DNAH11: variants seen among roughly 807,000 people sequenced by gnomAD.
The protein encoded by DNAH11 is axonemal beta dynein heavy chain 11.
In DNAH11, 442 loss-of-function variants were observed where a neutral mutation model predicts 526.0. The observed-to-expected ratio is 0.84, with a 90% CI of 0.78 to 0.91. The LOEUF (loss-of-function observed/expected upper bound fraction) is 0.91, where lower values mean the gene tolerates loss of function less well. Among genes scored for constraint, DNAH11 ranks in the 40% least tolerant of loss-of-function variants. The pLI is 0.00. For missense variants in DNAH11, 6,989 were observed against 5,448.7 expected, an observed-to-expected ratio of 1.28 and a Z score of -8.90; for synonymous variants, 2,461 against 1,935.9, an observed-to-expected ratio of 1.27 and a Z score of -7.12.
intron 41 of DNAH11, 118 bp downstream of exon 41, chr7:21,710,821 T>A (rs2128480964): frequency 9.7e-7 from 1 of 1,026,768 alleles, no homozygotes; most frequent in South Asian, 2.1e-5. Context: ...CTTTATGTAA[T>A]TATTATTTTG....
At chr7:21,696,629 AT>A (rs1317878882) in intron 35 of DNAH11, among the ~76,000 whole-genome samples, 2 of 152,068 alleles carry the variant, frequency 1.3e-5, no homozygotes, top group Admixed American at 1.3e-4. Flanking sequence ...TGTCTTGTGA[AT>A]TTTTTTAATA....
Position 21,707,718 on chromosome 7 carries a change from G to A in DNAH11, c.6566G>A (p.Arg2189Gln), listed in dbSNP as rs747789567. The A allele has an allele frequency of 5.6e-6, 9 of 1,612,934 alleles. No homozygotes were observed. Among genetic ancestry groups the A allele is most frequent in the Admixed American group, 1.7e-5 (1 of 59,874 alleles). The change falls in exon 40 of 82, where the codon CGA becomes CAA. Residue 2189 changes from arginine (R) to glutamine (Q), a missense_variant. Physicochemically the swap from Arg to Gln is conservative, Grantham distance 43. Transcript: ENST00000409508. ...GKSKILRTLN[R>Q]TYVNMKQKPV... ...CCTCAGATTTTGAGAACACTGAACC[G>A]AACATATGTTAACATGAAACAGAAG...
chr7:21,833,790 A>G (rs1781884148), intron 65 of DNAH11, among the ~76,000 whole-genome samples: 1 of 152,196 alleles, frequency 6.6e-6, no homozygotes, highest in South Asian at 2.1e-4. Context: ...AGAGATGCAA[A>G]TGAGTATAAA....
intron 25 of DNAH11, among the ~76,000 whole-genome samples, chr7:21,626,442 C>T (rs1273369962): frequency 6.6e-6 from 1 of 152,134 alleles, no homozygotes; most frequent in Non-Finnish European, 1.5e-5. Context: ...GTGTTTTCAA[C>T]ATACTGATTT....
chr7:21,824,767 A>G (rs1270707479), intron 65 of DNAH11, among the ~76,000 whole-genome samples: 1 of 152,234 alleles, frequency 6.6e-6, no homozygotes, highest in African/African-American at 2.4e-5. Flanking sequence ...TAAAAATACC[A>G]TTATGGTGTA....
At chr7:21,866,868 C>CA (rs926609733) in intron 71 of DNAH11, among the ~76,000 whole-genome samples, 4 of 152,140 alleles carry the variant, frequency 2.6e-5, no homozygotes, top group Non-Finnish European at 4.4e-5. Flanking sequence ...ACATTCTTCC[C>CA]AAAAAAGCTT....
intron 62 of DNAH11, among the ~76,000 whole-genome samples, chr7:21,801,977 T>A (rs1035684896): frequency 2.6e-5 from 4 of 152,238 alleles, no homozygotes; most frequent in Non-Finnish European, 4.4e-5. Flanking sequence ...CAGATTTTAT[T>A]TGCTCCACAA....
intron 9 of DNAH11, 48 bp from the exon 10 acceptor site, chr7:21,588,016 G>C (rs1035615121): frequency 1.3e-6 from 2 of 1,583,620 alleles, no homozygotes; most frequent in Non-Finnish European, 1.7e-6. Context: ...CTGAGTATTT[G>C]TTAAAAACTC....
chr7:21,880,835 C>A lies in DNAH11; in HGVS notation c.12329C>A (p.Pro4110His), dbSNP rs753983449. Residue 4110 changes from proline to histidine, a missense_variant, in exon 75 of 82, where the codon CCT becomes CAT. By Grantham distance (77) the Pro-to-His change is moderately conservative (BLOSUM62 -2). Transcript: ENST00000409508. ...TGGAGCCGAAGCTATCCTTTTAATC[C>A]TGGAGACCTCACCATTTGTGCCAGT... The part of the protein sequence containing the change: ...QGWSRSYPFN[P>H]GDLTICASVL... The A allele has an allele frequency of 8.1e-6, 13 of 1,613,744 alleles. No individual in the cohort carries two copies. In the Admixed American group the frequency reaches 1.7e-4, roughly 21 times the overall value.
At chr7:21,731,354 G>A (rs1001257401) in intron 45 of DNAH11, among the ~76,000 whole-genome samples, 1 of 151,950 alleles carries the variant, frequency 6.6e-6, no homozygotes, top group African/African-American at 2.4e-5. Context: ...AAACCCAACT[G>A]CACATAGAAA....
chr7:21,825,369 G>A (rs1046159121), intron 65 of DNAH11, among the ~76,000 whole-genome samples: 1 of 152,208 alleles, frequency 6.6e-6, no homozygotes, highest in African/African-American at 2.4e-5. Context: ...AGATTCTTCA[G>A]TGTTTATGTT....
At position 21,901,373 on chromosome 7, in the gene DNAH11, T is replaced by C; in HGVS notation, c.*119T>C. ...TTAGTAACTCACACGTGCATTCTTT[T>C]TTCAACGCTATCCTTAGAGTGAAAG... is the stretch of plus-strand genomic sequence containing the variant. On this transcript the variant is annotated 3_prime_UTR_variant, in exon 82 of 82. Coordinates refer to ENST00000409508, the MANE Select transcript of DNAH11 (RefSeq NM_001277115.2). 7.5e-7 allele frequency: 1 copy of C among 1,333,342 alleles called. No individual in the cohort carries two copies. The highest frequency in any genetic ancestry group is 9.8e-7 in the Non-Finnish European group (1 of 1,023,076). 82.6% of individuals were successfully genotyped at this position (1,333,342 alleles called of 1,614,324 possible). A position where few individuals can be genotyped will look rare whatever the true frequency, so the allele number is the denominator to read the frequency against.
At chr7:21,783,417 A>G (rs1788039208) in intron 57 of DNAH11, among the ~76,000 whole-genome samples, 2 of 152,220 alleles carry the variant, frequency 1.3e-5, no homozygotes, top group African/African-American at 2.4e-5. Context: ...ATTTTATGGT[A>G]TAGTTAAACC....
At chr7:21,644,801 A>G (rs557674359) in intron 28 of DNAH11, among the ~76,000 whole-genome samples, 1 of 152,342 alleles carries the variant, frequency 6.6e-6, no homozygotes, top group African/African-American at 2.4e-5. Context: ...GGATACCTTA[A>G]TATAAAGGCA....
At chr7:21,718,977 A>G (rs1171020242) in intron 43 of DNAH11, among the ~76,000 whole-genome samples, 2 of 152,230 alleles carry the variant, frequency 1.3e-5, no homozygotes, top group African/African-American at 4.8e-5. Context: ...TTATGTAGTT[A>G]GCCTAATTAG....
intron 34 of DNAH11, among the ~76,000 whole-genome samples, chr7:21,690,334 A>G (rs894785296): frequency 6.6e-6 from 1 of 151,754 alleles, no homozygotes; most frequent in African/African-American, 2.4e-5. Flanking sequence ...GAGGAAGAGA[A>G]GTTGAAGAAA....
At chr7:21,805,757 AG>A (rs1442437421) in intron 62 of DNAH11, among the ~76,000 whole-genome samples, 3 of 152,216 alleles carry the variant, frequency 2.0e-5, no homozygotes, top group Non-Finnish European at 4.4e-5. Context: ...TAGACAAGGA[AG>A]GGAAAAGAAA....
At chr7:21,639,147 C>G in intron 28 of DNAH11, 82 bp downstream of exon 28, 3 of 1,453,840 alleles carry the variant, frequency 2.1e-6, no homozygotes, top group Non-Finnish European at 2.7e-6. Flanking sequence ...CAAATGCTAC[C>G]TGTCATGTCA....
rs1258882794 is a variant in DNAH11, at chr7:21,601,565, C to G, written c.3595C>G (p.Leu1199Val). Reference protein sequence around the residue: ...LFEPLKETITLLESYGQKMPE... With the variant: ...LFEPLKETITVLESYGQKMPE... The stretch of plus-strand genomic sequence containing the variant: ...TGAACCTCTAAAAGAAACGATCACC[C>G]TCTTGGAAAGCTATGGCCAGAAGAT... Residue 1199 changes from leucine (L) to valine (V), a missense_variant, in exon 18 of 82, where the codon CTC becomes GTC. By Grantham distance (32) the Leu-to-Val change is conservative. Transcript: ENST00000409508. 1.9e-6 allele frequency: 3 copies of G among 1,609,246 alleles called. No homozygotes were observed. The highest frequency in any genetic ancestry group is 2.6e-6 in the Non-Finnish European group (3 of 1,176,278).
Sources: allele counts gnomAD v4.1 joint callset (sites outside exome capture counted in the v4.1 genomes callset), GRCh38; gene constraint gnomAD v4.1.1; transcripts MANE v1.5; gene names NCBI Gene and HGNC (gene_info 2026-07-23, HGNC 2026-07-21).